PSMA8: variants seen among roughly 807,000 people sequenced by gnomAD.
The protein encoded by PSMA8 is proteasome subunit alpha-type 8.
PSMA8 carries 18 observed loss-of-function variants against 32.4 expected under a neutral mutation model. The observed-to-expected ratio is 0.56, with a 90% CI of 0.38 to 0.82. The LOEUF is 0.82. PSMA8 is among the 40% of genes least tolerant of loss of function. The pLI, the probability that PSMA8 is intolerant of heterozygous loss-of-function variation, is 0.00. For synonymous variants in PSMA8, 104 were observed against 98.1 expected, an observed-to-expected ratio of 1.06 and a Z score of -0.36; for missense variants, 298 against 300.7, an observed-to-expected ratio of 0.99 and a Z score of 0.07.
At chr18:26,150,099 C>G (rs537745183) in intron 2 of PSMA8, among the ~76,000 whole-genome samples, 5 of 152,100 alleles carry the variant, frequency 3.3e-5, no homozygotes, top group African/African-American at 7.2e-5. Context: ...CTCATTGGAG[C>G]CTTTTGGATT....
At chr18:26,176,668 C>T (rs1465803596) in intron 4 of PSMA8, among the ~76,000 whole-genome samples, 3 of 152,182 alleles carry the variant, frequency 2.0e-5, no homozygotes, top group East Asian at 1.9e-4. Flanking sequence ...CACAGTGGCT[C>T]ACACCTGTAA....
At chr18:26,157,814 G>C (rs2055102152) in intron 3 of PSMA8, among the ~76,000 whole-genome samples, 1 of 152,136 alleles carries the variant, frequency 6.6e-6, no homozygotes, top group African/African-American at 2.4e-5. Context: ...CAAAATGCAT[G>C]AAACAGGTCT....
chr18:26,162,033 T>A (rs2055139768), intron 4 of PSMA8, among the ~76,000 whole-genome samples: 2 of 152,188 alleles, frequency 1.3e-5, no homozygotes, highest in African/African-American at 4.8e-5. Context: ...ATTTAGAAAA[T>A]TTTTGACAGA....
Position 26,133,907 on chromosome 18 carries a change from C to T in PSMA8, c.-59C>T, listed in dbSNP as rs1443082603. 2 of 1,470,778 alleles carry T rather than the reference C, an allele frequency of 1.4e-6. No homozygotes were observed. Among genetic ancestry groups the T allele is most frequent in the African/African-American group, 2.8e-5 (2 of 71,936 alleles). The allele number at this position is 1,470,778 out of a possible 1,614,324, so 91.1% of individuals were successfully genotyped here. A position where few individuals can be genotyped will look rare whatever the true frequency, so the allele number is the denominator to read the frequency against. ...AGCACGCTGTGTTGGCGGCGGCTCCCCGCTTGCCTCAGCTGCAGCAGCGGG... is the reference window on the plus strand; with the variant it reads ...AGCACGCTGTGTTGGCGGCGGCTCCTCGCTTGCCTCAGCTGCAGCAGCGGG... On this transcript the variant is annotated 5_prime_UTR_variant, in exon 1 of 7. Coordinates refer to ENST00000415576, the MANE Select transcript of PSMA8 (RefSeq NM_001025096.2).
chr18:26,134,877 C>G (rs1049989332), intron 1 of PSMA8, among the ~76,000 whole-genome samples: 3 of 151,976 alleles, frequency 2.0e-5, no homozygotes, highest in Admixed American at 6.6e-5. Flanking sequence ...TCGCTTGAAC[C>G]TGGGAGGCAG....
rs146978111 is a variant in PSMA8, at chr18:26,145,733, G to C, written c.229+1048G>C. Among the ~76,000 whole-genome samples the C allele has an allele frequency of 3.2e-3, 491 of 152,280 alleles. 4 individuals carry two copies. Among genetic ancestry groups the C allele is most frequent in the African/African-American group, 0.01 (434 of 41,556 alleles). ...ACTGAGTAGTATTCCATGGAATAAAGGCACCAGTGGGTTTGTTAACTCTCC... is the reference window on the plus strand; with the variant it reads ...ACTGAGTAGTATTCCATGGAATAAACGCACCAGTGGGTTTGTTAACTCTCC... On this transcript the variant is annotated intron_variant, in intron 2 of 6. Coordinates refer to ENST00000415576, the MANE Select transcript of PSMA8 (RefSeq NM_001025096.2).
chr18:26,172,597 G>A (rs577615495), intron 4 of PSMA8, among the ~76,000 whole-genome samples: 3 of 152,154 alleles, frequency 2.0e-5, no homozygotes, highest in African/African-American at 7.2e-5. Flanking sequence ...TGGTCTTAGA[G>A]ACCAGTTGAG....
At chr18:26,173,992 A>G (rs2055245379) in intron 4 of PSMA8, among the ~76,000 whole-genome samples, 1 of 152,094 alleles carries the variant, frequency 6.6e-6, no homozygotes, top group African/African-American at 2.4e-5. Flanking sequence ...TCAGCTAGAA[A>G]TATTCTCTCC....
At chr18:26,160,169 G>A (rs1431276348) in intron 4 of PSMA8, among the ~76,000 whole-genome samples, 1 of 152,110 alleles carries the variant, frequency 6.6e-6, no homozygotes, top group African/African-American at 2.4e-5. Context: ...CCAGGCATTG[G>A]TGGTACACAC....
intron 6 of PSMA8, 147 bp downstream of exon 6, chr18:26,179,277 T>C: frequency 1.7e-6 from 1 of 582,262 alleles, no homozygotes; most frequent in Non-Finnish European, 2.9e-6. Flanking sequence ...CGTCTACCGG[T>C]TTTTTGTTTG....
intron 6 of PSMA8, among the ~76,000 whole-genome samples, chr18:26,188,713 G>T (rs2055376957): frequency 6.6e-6 from 1 of 152,042 alleles, no homozygotes; most frequent in Non-Finnish European, 1.5e-5. Context: ...ACTCATTTTC[G>T]ACAGAGGTGC....
chr18:26,178,054 A>G (rs1368611666), intron 4 of PSMA8, among the ~76,000 whole-genome samples: 1 of 151,752 alleles, frequency 6.6e-6, no homozygotes, highest in Non-Finnish European at 1.5e-5. Context: ...TCTCTAAAAA[A>G]AATTCTTTTT....
At chr18:26,171,895 A>G (rs1432172817) in intron 4 of PSMA8, among the ~76,000 whole-genome samples, 1 of 152,246 alleles carries the variant, frequency 6.6e-6, no homozygotes, top group Non-Finnish European at 1.5e-5. Context: ...TACTCATGGC[A>G]CATCAAACAG....
chr18:26,176,013 G>A (rs2055260801), intron 4 of PSMA8, among the ~76,000 whole-genome samples: 1 of 152,136 alleles, frequency 6.6e-6, no homozygotes, highest in African/African-American at 2.4e-5. Context: ...TGGATATTAG[G>A]GTTGTCAGCT....
At chr18:26,134,953 TC>T (rs2054899961) in intron 1 of PSMA8, among the ~76,000 whole-genome samples, 1 of 144,212 alleles carries the variant, frequency 6.9e-6, no homozygotes, top group African/African-American at 2.7e-5. Context: ...AAACTCCGTC[TC>T]GGGAAAAAAA....
chr18:26,153,914 T>C (rs1269835586), intron 3 of PSMA8, among the ~76,000 whole-genome samples: 1 of 152,172 alleles, frequency 6.6e-6, no homozygotes. Flanking sequence ...TATTTTTTTA[T>C]TTTTTGAGAC....
intron 6 of PSMA8, among the ~76,000 whole-genome samples, chr18:26,179,376 A>C (rs1272572981): frequency 1.3e-5 from 2 of 151,610 alleles, no homozygotes; most frequent in African/African-American, 4.8e-5. Flanking sequence ...TCAAGCGATC[A>C]GCCCGCCTTG....
intron 4 of PSMA8, among the ~76,000 whole-genome samples, chr18:26,165,277 C>G (rs1377641244): frequency 6.6e-6 from 1 of 152,218 alleles, no homozygotes; most frequent in African/African-American, 2.4e-5. Flanking sequence ...ACATCTGCAA[C>G]TTCAGCATTA....
At chr18:26,157,511 T>A (rs145305560) in intron 3 of PSMA8, among the ~76,000 whole-genome samples, 19 of 152,306 alleles carry the variant, frequency 1.2e-4, no homozygotes, top group African/African-American at 4.6e-4. Context: ...GGAAGTTCCC[T>A]ACCACTAAAG....
Sources: allele counts gnomAD v4.1 joint callset (sites outside exome capture counted in the v4.1 genomes callset), GRCh38; gene constraint gnomAD v4.1.1; transcripts MANE v1.5; gene names NCBI Gene and HGNC (gene_info 2026-07-23, HGNC 2026-07-21).